NBAS: variants seen among roughly 807,000 people sequenced by gnomAD.
NBAS encodes the protein NBAS subunit of NRZ tethering complex.
In NBAS, 219 loss-of-function variants were observed where a neutral mutation model predicts 302.5. The observed-to-expected ratio is 0.72, with a 90% CI of 0.65 to 0.81. The LOEUF is 0.81. NBAS is among the 30% of genes least tolerant of loss of function. The probability of loss-of-function intolerance (pLI) is 0.00; values close to 1 mark genes in which losing one functional copy is unlikely to be tolerated. For missense variants in NBAS, 2,932 were observed against 2,841.6 expected (o/e 1.03, Z -0.72); for synonymous variants, 1,118 against 1,021.6 (o/e 1.09, Z -1.80).
the NBAS span, among the ~76,000 whole-genome samples, chr2:15,027,848 A>C: frequency 6.6e-6 from 1 of 152,196 alleles, no homozygotes; most frequent in East Asian, 1.9e-4. Flanking sequence ...TGGTATAGCG[A>C]CTGGTGCTGA....
At chr2:14,889,959 G>A in the NBAS span, among the ~76,000 whole-genome samples, 1 of 152,222 alleles carries the variant, frequency 6.6e-6, no homozygotes, top group African/African-American at 2.4e-5. Flanking sequence ...ATATGTGCAT[G>A]TGGATGTATG....
chr2:15,398,530 T>G (rs1171698308), intron 26 of NBAS, among the ~76,000 whole-genome samples: 1 of 152,184 alleles, frequency 6.6e-6, no homozygotes, highest in Non-Finnish European at 1.5e-5. Flanking sequence ...GAGCTGACAT[T>G]CACGAACACA....
At chr2:15,461,502 C>T (rs539223064) in intron 20 of NBAS, among the ~76,000 whole-genome samples, 165 bp from the exon 21 acceptor site, 2 of 151,960 alleles carry the variant, frequency 1.3e-5, no homozygotes, top group Non-Finnish European at 2.9e-5. Context: ...CAATCTAAGG[C>T]TATGAAAATT....
chr2:14,798,792 G>T, the NBAS span, among the ~76,000 whole-genome samples: 1 of 152,026 alleles, frequency 6.6e-6, no homozygotes, highest in Admixed American at 6.6e-5. Flanking sequence ...CTTCCTGAAT[G>T]AGATGGTAAT....
chr2:15,411,047 C>G (rs934986837), intron 25 of NBAS, among the ~76,000 whole-genome samples: 6 of 152,270 alleles, frequency 3.9e-5, no homozygotes, highest in African/African-American at 1.4e-4. Flanking sequence ...CTTCCTCCTC[C>G]TGTTCTTTTG....
In NBAS at chr2:15,501,584, A is replaced by ATTTTT. The variant is rs70961416; in HGVS notation, c.954+2556_954+2560dup. Among the ~76,000 whole-genome samples, 394 of 107,140 alleles carry ATTTTT rather than the reference A, an allele frequency of 3.7e-3. 1 individual carries two copies. Among genetic ancestry groups the ATTTTT allele is most frequent in the Middle Eastern group, 6.7e-3 (1 of 150 alleles). 70.3% of individuals were successfully genotyped at this position (107,140 alleles called of 152,430 possible). A position where few individuals can be genotyped will look rare whatever the true frequency, so the allele number is the denominator to read the frequency against. On this transcript the variant is annotated intron_variant, in intron 11 of 51. Coordinates refer to ENST00000281513, the MANE Select transcript of NBAS (RefSeq NM_015909.4). Reference sequence around the variant, plus strand: ...AAGTAAATTTTTAAATGAACTAAATATTTTTTTTTTTTTTTTTTTTTTTGA... The same window carrying ATTTTT: ...AAGTAAATTTTTAAATGAACTAAATATTTTTTTTTTTTTTTTTTTTTTTTTTTTGA...
chr2:15,288,632 G>A (rs978514896), intron 41 of NBAS, among the ~76,000 whole-genome samples: 4 of 152,140 alleles, frequency 2.6e-5, no homozygotes, highest in Non-Finnish European at 5.9e-5. Context: ...AAGCAGTCCC[G>A]AACACCCACA....
chr2:15,199,818 C>T (rs1665792284), intron 48 of NBAS, among the ~76,000 whole-genome samples: 1 of 150,950 alleles, frequency 6.6e-6, no homozygotes, highest in Admixed American at 6.6e-5. Context: ...AAGATTGGTG[C>T]ATAGTAGGCA....
At chr2:15,431,090 C>A (rs540350395) in intron 21 of NBAS, among the ~76,000 whole-genome samples, 1 of 151,916 alleles carries the variant, frequency 6.6e-6, no homozygotes, top group African/African-American at 2.4e-5. Context: ...TACAGGCGTG[C>A]GCCACTGTGC....
chr2:14,812,502 A>G, the NBAS span, among the ~76,000 whole-genome samples: 1 of 152,316 alleles, frequency 6.6e-6, no homozygotes, highest in African/African-American at 2.4e-5. Context: ...AACATGTTCC[A>G]TAGTAGATAA....
chr2:15,350,878 G>A (rs2148295614), intron 35 of NBAS, among the ~76,000 whole-genome samples: 1 of 152,310 alleles, frequency 6.6e-6, no homozygotes, highest in African/African-American at 2.4e-5. Flanking sequence ...TAGCAATCCT[G>A]TACACTACTG....
chr2:15,440,391 G>A (rs777670591), intron 21 of NBAS, among the ~76,000 whole-genome samples: 18 of 152,174 alleles, frequency 1.2e-4, no homozygotes, highest in Non-Finnish European at 2.2e-4. Flanking sequence ...TGATACCCAG[G>A]CAAACAGGGT....
At chr2:14,945,108 G>T in the NBAS span, among the ~76,000 whole-genome samples, 3 of 152,200 alleles carry the variant, frequency 2.0e-5, no homozygotes, top group Admixed American at 2.0e-4. Context: ...GCTGCCGGAG[G>T]TTTATTCACA....
chr2:15,462,454 C>G lies in NBAS; in HGVS notation c.2098-663G>C, dbSNP rs143559049. ...GCAAGTGTAGGTCTCCCTACTACAA[C>G]GTATGACTTAGGGCTCATGTCTGCC... On this transcript the variant is annotated intron_variant, in intron 19 of 51. Coordinates refer to ENST00000281513, the MANE Select transcript of NBAS (RefSeq NM_015909.4). Among the ~76,000 whole-genome samples, 583 of 150,514 alleles carry G rather than the reference C, an allele frequency of 3.9e-3. 3 individuals are homozygous for G. Among genetic ancestry groups the G allele is most frequent in the Middle Eastern group, 0.031 (9 of 292 alleles).
At chr2:15,480,571 G>C (rs76464122) in intron 12 of NBAS, among the ~76,000 whole-genome samples, 1 of 152,060 alleles carries the variant, frequency 6.6e-6, no homozygotes, top group African/African-American at 2.4e-5. Context: ...GAAATTCAAG[G>C]GGTACAAAGA....
At chr2:14,923,523 C>CAGACAAGG in the NBAS span, among the ~76,000 whole-genome samples, 8 of 152,158 alleles carry the variant, frequency 5.3e-5, no homozygotes, top group Non-Finnish European at 1.5e-5. Flanking sequence ...CATGGTGAAC[C>CAGACAAGG]AGACAAGGCC....
the NBAS span, among the ~76,000 whole-genome samples, chr2:14,894,316 A>C: frequency 1.3e-5 from 2 of 152,202 alleles, no homozygotes; most frequent in Non-Finnish European, 2.9e-5. Flanking sequence ...TTCAGATGCC[A>C]GTGATGCAAT....
the NBAS span, among the ~76,000 whole-genome samples, chr2:14,873,294 C>G: frequency 1.3e-5 from 2 of 152,298 alleles, no homozygotes; most frequent in Non-Finnish European, 2.9e-5. Flanking sequence ...GAAAAGTTCT[C>G]CAAGTCCCCA....
At chr2:14,816,489 G>C in the NBAS span, among the ~76,000 whole-genome samples, 1,933 of 152,296 alleles carry the variant, frequency 0.013, 49 homozygotes, top group African/African-American at 0.044. Context: ...GTTGGAGACT[G>C]CTGGCTTAGA....
Sources: gnomAD v4.1 joint callset for allele counts (sites outside exome capture counted in the v4.1 genomes callset) on GRCh38, gnomAD v4.1.1 for gene constraint, MANE v1.5 for transcripts, NCBI Gene and HGNC (gene_info 2026-07-23, HGNC 2026-07-21) for gene names.